TRAM1L1: variants seen among roughly 807,000 people sequenced by gnomAD.
TRAM1L1 encodes the protein translocation associated membrane protein 1 like 1.
For synonymous variants in TRAM1L1, 189 were observed against 163.6 expected, an observed-to-expected ratio of 1.16 and a Z score of -1.18; for missense variants, 451 against 439.9, an observed-to-expected ratio of 1.03 and a Z score of -0.23.
chr4:117,084,464 G>T lies in TRAM1L1; in HGVS notation c.930C>A (p.Tyr310Ter). Residue 310 changes from tyrosine to a stop codon, truncating the protein, a stop_gained, in exon 1 of 1, where the codon TAC becomes TAA. Coordinates refer to ENST00000310754, the MANE Select transcript of TRAM1L1 (RefSeq NM_152402.3). LOFTEE classifies it low-confidence loss of function (END_TRUNC). ...VLSSSCTIQA[Y>*]VTWNLITLWL... is the part of the protein sequence containing the mutation. ...AGAGAGTAATTAAGTTCCATGTTAC[G>T]TAGGCTTGGATCGTGCAACTGGACG... The T allele has an allele frequency of 6.2e-7, 1 of 1,614,068 alleles. No homozygotes were observed. Among genetic ancestry groups the T allele is most frequent in the South Asian group, 1.1e-5 (1 of 91,082 alleles).
chr4:117,085,270 C>T lies in TRAM1L1; in HGVS notation c.124G>A (p.Gly42Arg), dbSNP rs1732431942. 1 of 1,614,058 alleles carries T rather than the reference C, an allele frequency of 6.2e-7. No homozygotes were observed. The highest frequency in any genetic ancestry group is 1.1e-5 in the South Asian group (1 of 91,074). Residue 42 changes from glycine (G) to arginine (R), a missense_variant, in exon 1 of 1, where the codon GGA becomes AGA. Coordinates refer to ENST00000310754, the MANE Select transcript of TRAM1L1 (RefSeq NM_152402.3). ...MFFLLGLVFE[G>R]TAEASIVFLT... ...AACACGATGGATGCTTCTGCTGTTC[C>T]CTCGAACACAAGCCCCAGCAGGAAG...
chr4:117,084,829 T>C lies in TRAM1L1; in HGVS notation c.565A>G (p.Lys189Glu), dbSNP rs1252264655. 1 of 1,614,170 alleles carries C rather than the reference T, an allele frequency of 6.2e-7. No individual in the cohort carries two copies. The highest frequency in any genetic ancestry group is 1.1e-5 in the South Asian group (1 of 91,074). The part of the protein sequence containing the change: ...AFPELYFQKT[K>E]KQDIPRQLVY... ...AGTTGACGAGGGATGTCTTGTTTTT[T>C]GGTTTTCTGGAAGTAGAGTTCAGGA... The change falls in exon 1 of 1, where the codon AAA (lysine) becomes GAA (glutamate). Residue 189 changes from lysine to glutamate, a missense_variant. By Grantham distance (56) the Lys-to-Glu change is moderately conservative (BLOSUM62 1). Coordinates refer to ENST00000310754, the MANE Select transcript of TRAM1L1 (RefSeq NM_152402.3).
Position 117,085,188 on chromosome 4 carries a change from G to T in TRAM1L1, c.206C>A (p.Ser69Ter). The T allele has an allele frequency of 6.2e-7, 1 of 1,614,078 alleles. No individual in the cohort carries two copies. Among genetic ancestry groups the T allele is most frequent in the Non-Finnish European group, 8.5e-7 (1 of 1,179,994 alleles). The change falls in exon 1 of 1, where the codon TCA becomes TAA. Residue 69 changes from serine to a stop codon, truncating the protein, a stop_gained. Transcript: ENST00000310754. LOFTEE classifies it low-confidence loss of function (END_TRUNC). ...GACACCATAATAATAGAGGGACTTT[G>T]AGCCCGTGGCTTGTTCCTCTGCTGC... ...VPAAEEQATG[S>*]KSLYYYGVKD...
Position 117,085,313 on chromosome 4 carries a change from G to A in TRAM1L1, c.81C>T (p.Val27=). Residue 27 remains valine, a synonymous_variant, in exon 1 of 1, where the codon GTC becomes GTT. Transcript: ENST00000310754. ...GCAGGAAGAACATCCCCACGCAGGA[G>A]ACGATGTCCGCATGATTCTGCAGGA... ...EFILQNHADI[V]SCVGMFFLLG... 1 of 1,614,112 alleles carries A rather than the reference G, an allele frequency of 6.2e-7. No individual in the cohort carries two copies. The highest frequency in any genetic ancestry group is 1.1e-5 in the South Asian group (1 of 91,082).
In TRAM1L1 at chr4:117,084,144, C is replaced by G. The variant is rs1446216706; in HGVS notation, c.*140G>C. The G allele has an allele frequency of 1.2e-6, 1 of 849,850 alleles. No individual in the cohort carries two copies. Among genetic ancestry groups the G allele is most frequent in the African/African-American group, 1.7e-5 (1 of 58,416 alleles). 52.6% of individuals were successfully genotyped at this position (849,850 alleles called of 1,614,324 possible). On this transcript the variant is annotated 3_prime_UTR_variant, in exon 1 of 1. Transcript: ENST00000310754. ...TAATAATCCTCCTCCCCTCAAATGT[C>G]TTTAAAAAATACATGAAACAGTTCA...
Position 117,084,639 on chromosome 4 carries a change from A to G in TRAM1L1, c.755T>C (p.Leu252Pro). 1 of 1,614,236 alleles carries G rather than the reference A, an allele frequency of 6.2e-7. No homozygotes were observed. The highest frequency in any genetic ancestry group is 8.5e-7 in the Non-Finnish European group (1 of 1,180,052). ...ACCCAAGATAAACACAATGGCCCACAGAGATATGCCTTTCTGGTACTTTTC... is the reference window on the plus strand; with the variant it reads ...ACCCAAGATAAACACAATGGCCCACGGAGATATGCCTTTCTGGTACTTTTC... ...SDEKYQKGIS[L>P]WAIVFILGRL... Residue 252 changes from leucine (L) to proline (P), a missense_variant, in exon 1 of 1, where the codon CTG (leucine) becomes CCG (proline). By Grantham distance (98) the Leu-to-Pro change is moderately conservative. Coordinates refer to ENST00000310754, the MANE Select transcript of TRAM1L1 (RefSeq NM_152402.3).
At position 117,085,174 on chromosome 4, in the gene TRAM1L1, A is replaced by C; in HGVS notation, c.220T>G (p.Tyr74Asp). The C allele has an allele frequency of 6.2e-7, 1 of 1,614,070 alleles. No homozygotes were observed. Among genetic ancestry groups the C allele is most frequent in the Non-Finnish European group, 8.5e-7 (1 of 1,180,006 alleles). The change falls in exon 1 of 1, where the codon TAT becomes GAT. Residue 74 changes from tyrosine (Y) to aspartate (D), a missense_variant. Coordinates refer to ENST00000310754, the MANE Select transcript of TRAM1L1 (RefSeq NM_152402.3). ...EQATGSKSLYYYGVKDLATVF... is the reference protein window; with the variant it reads ...EQATGSKSLYDYGVKDLATVF... ...GTGGCCAAATCTTTGACACCATAATAATAGAGGGACTTTGAGCCCGTGGCT... is the reference window on the plus strand; with the variant it reads ...GTGGCCAAATCTTTGACACCATAATCATAGAGGGACTTTGAGCCCGTGGCT...
chr4:117,085,387 G>A lies in TRAM1L1; in HGVS notation c.7C>T (p.Leu3Phe). 1 of 1,606,636 alleles carries A rather than the reference G, an allele frequency of 6.2e-7. No individual in the cohort carries two copies. The highest frequency in any genetic ancestry group is 8.5e-7 in the Non-Finnish European group (1 of 1,174,780). Residue 3 changes from leucine (L) to phenylalanine (F), a missense_variant, in exon 1 of 1, where the codon CTC becomes TTC. Transcript: ENST00000310754. ...GGGTTCTTGGTGCTCTTCTTACGGA[G>A]CCCCATGGTGGCGCTTCCCGGATAC... MGLRKKSTKNPPV... is the reference protein window; with the variant it reads MGFRKKSTKNPPV...
Position 117,085,561 on chromosome 4 carries a change from G to T in TRAM1L1, c.-168C>A. 2 of 859,274 alleles carry T rather than the reference G, an allele frequency of 2.3e-6. No homozygotes were observed. The highest frequency in any genetic ancestry group is 5.5e-5 in the East Asian group (2 of 36,240). 53.2% of individuals were successfully genotyped at this position (859,274 alleles called of 1,614,324 possible). ...AAAAAATAAATCAAAGGCGAGGGCC[G>T]AGCTGAGCTGAGCATGCGCACCAGG... On this transcript the variant is annotated 5_prime_UTR_variant, in exon 1 of 1. Coordinates refer to ENST00000310754, the MANE Select transcript of TRAM1L1 (RefSeq NM_152402.3).
rs1732423599 is a variant in TRAM1L1, at chr4:117,084,999, G to C, written c.395C>G (p.Ser132Cys). 6 of 1,612,422 alleles carry C rather than the reference G, an allele frequency of 3.7e-6. No individual in the cohort carries two copies. The highest frequency in any genetic ancestry group is 5.1e-6 in the Non-Finnish European group (6 of 1,179,584). Residue 132 changes from serine (S) to cysteine (C), a missense_variant, in exon 1 of 1, where the codon TCT becomes TGT. Coordinates refer to ENST00000310754, the MANE Select transcript of TRAM1L1 (RefSeq NM_152402.3). ...TAAAATGAATGTGCCCCAAATACAA[G>C]AAAAAAAGTAGAACACACTAAACTG... ...SGQFSVFYFF[S>C]CIWGTFILIS...
Position 117,084,483 on chromosome 4 carries a change from C to G in TRAM1L1, c.911G>C (p.Ser304Thr). 1 of 1,614,154 alleles carries G rather than the reference C, an allele frequency of 6.2e-7. No homozygotes were observed. Among genetic ancestry groups the G allele is most frequent in the Non-Finnish European group, 8.5e-7 (1 of 1,180,036 alleles). The change falls in exon 1 of 1, where the codon AGT becomes ACT. Residue 304 changes from serine to threonine, a missense_variant. Physicochemically the swap from Ser to Thr is moderately conservative, Grantham distance 58. Coordinates refer to ENST00000310754, the MANE Select transcript of TRAM1L1 (RefSeq NM_152402.3). ...TGTTACGTAGGCTTGGATCGTGCAA[C>G]TGGACGACAGAACAGCAATTTTAGC... ...LAAKIAVLSS[S>T]CTIQAYVTWN... is the part of the protein sequence containing the mutation.
chr4:117,084,044 G>A lies in TRAM1L1; in HGVS notation c.*240C>T, dbSNP rs1349577983. The A allele has an allele frequency of 2.3e-6, 1 of 427,932 alleles. No individual in the cohort carries two copies. The highest frequency in any genetic ancestry group is 4.1e-6 in the Non-Finnish European group (1 of 243,754). 26.5% of individuals were successfully genotyped at this position (427,932 alleles called of 1,614,324 possible). ...AAAAATCAAAACAAAATATAGTGGT[G>A]ATCCCCAAAACTATTTTGACATTAT... On this transcript the variant is annotated 3_prime_UTR_variant, in exon 1 of 1. Transcript: ENST00000310754.
chr4:117,084,589 C>A lies in TRAM1L1; in HGVS notation c.805G>T (p.Val269Leu), dbSNP rs762544664. ...LGRLVTLIVS[V>L]LTVGFHLAGS... ...GCCAGGTGAAACCCAACAGTGAGTA[C>A]GGAAACAATTAAAGTCACAAGTCTA... The change falls in exon 1 of 1, where the codon GTA becomes TTA. Residue 269 changes from valine (V) to leucine (L), a missense_variant. By Grantham distance (32) the Val-to-Leu change is conservative (BLOSUM62 1). Transcript: ENST00000310754. 6 of 1,614,076 alleles carry A rather than the reference C, an allele frequency of 3.7e-6. No homozygotes were observed. The highest frequency in any genetic ancestry group is 5.1e-6 in the Non-Finnish European group (6 of 1,180,026).
chr4:117,085,334 C>G lies in TRAM1L1; in HGVS notation c.60G>C (p.Leu20=), dbSNP rs376866504. ...NPPVLSQEFI[L]QNHADIVSCV... is the part of the protein sequence containing the mutation. The stretch of plus-strand genomic sequence containing the variant: ...AGGAGACGATGTCCGCATGATTCTG[C>G]AGGATGAATTCCTGGCTGAGAACGG... The change falls in exon 1 of 1, where the codon CTG becomes CTC. Residue 20 remains leucine, a synonymous_variant. Coordinates refer to ENST00000310754, the MANE Select transcript of TRAM1L1 (RefSeq NM_152402.3). 3.7e-6 allele frequency: 6 copies of G among 1,614,082 alleles called. No homozygotes were observed. Among genetic ancestry groups the G allele is most frequent in the Non-Finnish European group, 5.1e-6 (6 of 1,180,028 alleles).
chr4:117,085,194 G>A lies in TRAM1L1; in HGVS notation c.200C>T (p.Thr67Met), dbSNP rs770975747. 5.6e-6 allele frequency: 9 copies of A among 1,613,934 alleles called. No individual in the cohort carries two copies. The highest frequency in any genetic ancestry group is 1.3e-5 in the African/African-American group (1 of 74,894). Reference protein sequence around the residue: ...VAVPAAEEQATGSKSLYYYGV... With the variant: ...VAVPAAEEQAMGSKSLYYYGV... ...ATAATAATAGAGGGACTTTGAGCCC[G>A]TGGCTTGTTCCTCTGCTGCAGGGAC... Residue 67 changes from threonine to methionine, a missense_variant, in exon 1 of 1, where the codon ACG becomes ATG. Transcript: ENST00000310754.
At position 117,084,743 on chromosome 4, in the gene TRAM1L1, A is replaced by C. The variant is rs760485396; in HGVS notation, c.651T>G (p.His217Gln). 1.2e-6 allele frequency: 2 copies of C among 1,614,200 alleles called. No homozygotes were observed. The highest frequency in any genetic ancestry group is 2.2e-5 in the South Asian group (2 of 91,086). The change falls in exon 1 of 1, where the codon CAT becomes CAG. Residue 217 changes from histidine to glutamine, a missense_variant. By Grantham distance (24) the His-to-Gln change is conservative. Transcript: ENST00000310754. ...ITGAYLLYLN[H>Q]LGLLLLVLHY... ...GCAGTACCAAAAGAAGAAGTCCCAA[A>C]TGATTCAAGTACAAGAGATAAGCTC...
chr4:117,084,648 C>A lies in TRAM1L1; in HGVS notation c.746G>T (p.Gly249Val). The A allele has an allele frequency of 6.2e-7, 1 of 1,614,094 alleles. No homozygotes were observed. Among genetic ancestry groups the A allele is most frequent in the Non-Finnish European group, 8.5e-7 (1 of 1,180,018 alleles). ...FYFSDEKYQK[G>V]ISLWAIVFIL... ...AAACACAATGGCCCACAGAGATATGCCTTTCTGGTACTTTTCATCACTAAA... is the reference window on the plus strand; with the variant it reads ...AAACACAATGGCCCACAGAGATATGACTTTCTGGTACTTTTCATCACTAAA... The change falls in exon 1 of 1, where the codon GGC (glycine) becomes GTC (valine). Residue 249 changes from glycine to valine, a missense_variant. By Grantham distance (109) the Gly-to-Val change is moderately radical. Transcript: ENST00000310754.
In TRAM1L1 at chr4:117,085,519, G is replaced by C; in HGVS notation, c.-126C>G. 1 of 1,299,116 alleles carries C rather than the reference G, an allele frequency of 7.7e-7. No homozygotes were observed. Among genetic ancestry groups the C allele is most frequent in the Non-Finnish European group, 1.0e-6 (1 of 954,122 alleles). The allele number at this position is 1,299,116 out of a possible 1,614,324, so 80.5% of individuals were successfully genotyped here. On this transcript the variant is annotated 5_prime_UTR_variant, in exon 1 of 1. Transcript: ENST00000310754. ...CCCATCCCGAAGTCAGTCCCGGGTC[G>C]CAGCGGCCGCCCAGAAAAAAAATAA...
Position 117,085,243 on chromosome 4 carries a change from G to GAC in TRAM1L1, c.150_151insGT (p.Leu51ValfsTer91), listed in dbSNP as rs768068101. On this transcript the variant is annotated frameshift_variant, in exon 1 of 1. Transcript: ENST00000310754. LOFTEE classifies it low-confidence loss of function (END_TRUNC). ...ACAGCAACACTGTGCTGAAGAGTGAGAAACACGATGGATGCTTCTGCTGTT... is the reference window on the plus strand; with the variant it reads ...ACAGCAACACTGTGCTGAAGAGTGAGACAAACACGATGGATGCTTCTGCTGTT... 4 of 1,614,154 alleles carry GAC rather than the reference G, an allele frequency of 2.5e-6. No homozygotes were observed. The South Asian group carries it at 4.4e-5, about 18-fold the overall frequency.
Sources: allele counts gnomAD v4.1 joint callset, GRCh38; gene constraint gnomAD v4.1.1; transcripts MANE v1.5; gene names NCBI Gene and HGNC (gene_info 2026-07-23, HGNC 2026-07-21).